GIMAP2: variants seen among roughly 807,000 people sequenced by gnomAD.
GIMAP2 encodes GTPase IMAP family member 2.
In GIMAP2, 22 loss-of-function variants were observed where a neutral mutation model predicts 25.5. The ratio of observed to expected loss-of-function variants is 0.86; its 90% confidence interval spans 0.62 to 1.23. The LOEUF is 1.23. Among genes scored for constraint, GIMAP2 ranks in the 50% most tolerant of loss-of-function variants. GIMAP2 has a pLI of 0.00. For missense variants in GIMAP2, 422 were observed against 395.7 expected (o/e 1.07, Z -0.56); for synonymous variants, 167 against 143.0 (o/e 1.17, Z -1.20).
At position 150,693,012 on chromosome 7, in the gene GIMAP2, C is replaced by T; in HGVS notation, c.726C>T (p.Ser242=). Residue 242 remains serine (S), a synonymous_variant, in exon 3 of 3, where the codon AGC becomes AGT. Transcript: ENST00000223293. ...AAAGAGTAAAGGAATTCAAACAGAG[C>T]CTTATAAAGTACATGGAAACTCAAA... ...SDERVKEFKQ[S]LIKYMETQRS... 6.2e-7 allele frequency: 1 copy of T among 1,614,002 alleles called. No homozygotes were observed. Among genetic ancestry groups the T allele is most frequent in the Non-Finnish European group, 8.5e-7 (1 of 1,179,894 alleles).
chr7:150,687,312 ACC>A, intron 2 of GIMAP2: 1 of 444,284 alleles, frequency 2.3e-6, no homozygotes, highest in South Asian at 3.8e-5. Context: ...TCTCTCTGTC[ACC>A]CAGGCCGGAG....
chr7:150,692,747 GC>G lies in GIMAP2; in HGVS notation c.462del (p.Ser155ProfsTer2). ...ACCCACAAGGAAGACCTCAATGGTG[GC>G]TCCCTGATGGATTACATGCACGACT... ...LFTHKEDLNG[G>X]SLMDYMHDSD... is the part of the protein sequence containing the mutation. On this transcript the variant is annotated frameshift_variant, in exon 3 of 3. Transcript: ENST00000223293. LOFTEE classifies it high-confidence loss of function. 6.2e-7 allele frequency: 1 copy of G among 1,614,146 alleles called. No homozygotes were observed. The highest frequency in any genetic ancestry group is 8.5e-7 in the Non-Finnish European group (1 of 1,179,980).
intron 2 of GIMAP2, among the ~76,000 whole-genome samples, chr7:150,691,765 T>TA (rs1350249649): frequency 3.3e-5 from 5 of 152,334 alleles, no homozygotes; most frequent in Non-Finnish European, 7.3e-5. Flanking sequence ...AGGCAACCAT[T>TA]ACATGATGAG....
rs1796988915 is a variant in GIMAP2, at chr7:150,693,128, T to C, written c.842T>C (p.Leu281Pro). The change falls in exon 3 of 3, where the codon CTC (leucine) becomes CCC (proline). Residue 281 changes from leucine (L) to proline (P), a missense_variant. Physicochemically the swap from Leu to Pro is moderately conservative, Grantham distance 98. Coordinates refer to ENST00000223293, the MANE Select transcript of GIMAP2 (RefSeq NM_015660.3). ...LCVLFCIQLF[L>P]RLIILWLCIL... ...GTTTTATTTTGTATTCAGTTGTTTC[T>C]CAGATTGATAATTCTGTGGCTTTGC... 1.2e-6 allele frequency: 2 copies of C among 1,613,758 alleles called. No individual in the cohort carries two copies. The highest frequency in any genetic ancestry group is 1.1e-5 in the South Asian group (1 of 91,072).
chr7:150,690,715 A>G (rs977948175), intron 2 of GIMAP2, among the ~76,000 whole-genome samples: 3 of 152,218 alleles, frequency 2.0e-5, no homozygotes, highest in Admixed American at 6.5e-5. Flanking sequence ...AGTTCTTTAC[A>G]TATATTAACT....
In GIMAP2 at chr7:150,692,707, A is replaced by C. The variant is rs1477365393; in HGVS notation, c.421A>C (p.Thr141Pro). The C allele has an allele frequency of 6.2e-7, 1 of 1,614,218 alleles. No homozygotes were observed. Among genetic ancestry groups the C allele is most frequent in the East Asian group, 2.2e-5 (1 of 44,888 alleles). The change falls in exon 3 of 3, where the codon ACA (threonine) becomes CCA (proline). Residue 141 changes from threonine (T) to proline (P), a missense_variant. Physicochemically the swap from Thr to Pro is conservative, Grantham distance 38. Transcript: ENST00000223293. ...CTTTGGAGAGGATGCCATGGGACACACAATTGTCCTCTTTACCCACAAGGA... is the reference window on the plus strand; with the variant it reads ...CTTTGGAGAGGATGCCATGGGACACCCAATTGTCCTCTTTACCCACAAGGA... Reference protein sequence around the residue: ...EIFGEDAMGHTIVLFTHKEDL... With the variant: ...EIFGEDAMGHPIVLFTHKEDL...
intron 2 of GIMAP2, chr7:150,689,678 T>G: frequency 1.7e-6 from 1 of 596,102 alleles, no homozygotes; most frequent in South Asian, 2.0e-5. Flanking sequence ...GAAAATAAGA[T>G]TAAATGTCCA....
rs756641651 is a variant in GIMAP2 at position 150,692,295 on chromosome 7, A to C, written c.29-20A>C. On this transcript the variant is annotated intron_variant, in intron 2 of 2. Transcript: ENST00000223293. The stretch of plus-strand genomic sequence containing the variant: ...GCCGTGATCAGTGTAGCGATAACAC[A>C]GTAAACTTGCTCCTCACAGGACCAC... 6.2e-7 allele frequency: 1 copy of C among 1,608,528 alleles called. No individual in the cohort carries two copies. The highest frequency in any genetic ancestry group is 1.1e-5 in the South Asian group (1 of 90,944).
Position 150,692,319 on chromosome 7 carries a change from A to G in GIMAP2, c.33A>G (p.Pro11=). Residue 11 remains proline (P), a synonymous_variant, in exon 3 of 3, where the codon CCA becomes CCG. Coordinates refer to ENST00000223293, the MANE Select transcript of GIMAP2 (RefSeq NM_015660.3). MDQNEHSHWG[P]HAKGQCASRS... ...CAGTAAACTTGCTCCTCACAGGACC[A>G]CATGCAAAGGGCCAATGTGCCAGCA... 6.2e-7 allele frequency: 1 copy of G among 1,613,276 alleles called. No individual in the cohort carries two copies. Among genetic ancestry groups the G allele is most frequent in the Non-Finnish European group, 8.5e-7 (1 of 1,179,212 alleles).
intron 2 of GIMAP2, 26 bp from the exon 3 acceptor site, chr7:150,692,289 T>A: frequency 6.2e-7 from 1 of 1,605,150 alleles, no homozygotes; most frequent in Non-Finnish European, 8.5e-7. Context: ...AGTGTAGCGA[T>A]AACACAGTAA....
At chr7:150,689,641 G>A (rs1368577944) in intron 2 of GIMAP2, 3 of 661,522 alleles carry the variant, frequency 4.5e-6, no homozygotes, top group Non-Finnish European at 5.6e-6. Context: ...CATGTCTACT[G>A]TGAGGCCATA....
In GIMAP2 at chr7:150,693,238, A is replaced by G; in HGVS notation, c.952A>G (p.Lys318Glu). 1 of 1,602,558 alleles carries G rather than the reference A, an allele frequency of 6.2e-7. No homozygotes were observed. The highest frequency in any genetic ancestry group is 1.1e-5 in the South Asian group (1 of 90,050). The change falls in exon 3 of 3, where the codon AAA becomes GAA. Residue 318 changes from lysine to glutamate, a missense_variant. Physicochemically the swap from Lys to Glu is moderately conservative, Grantham distance 56. Transcript: ENST00000223293. ...LFCSLLFIIP[K>E]KLMIFLRTVI... The stretch of plus-strand genomic sequence containing the variant: ...CTGCAGTTTGCTGTTTATTATACCC[A>G]AAAAGTTAATGATATTTTTGAGAAC...
chr7:150,688,984 G>A (rs1417421250), intron 2 of GIMAP2, among the ~76,000 whole-genome samples: 1 of 152,128 alleles, frequency 6.6e-6, no homozygotes, highest in Non-Finnish European at 1.5e-5. Context: ...CTTTGGACAG[G>A]GCCTCATCAA....
At chr7:150,686,422 A>G (rs1796900898) in intron 1 of GIMAP2, among the ~76,000 whole-genome samples, 1 of 152,068 alleles carries the variant, frequency 6.6e-6, no homozygotes, top group Non-Finnish European at 1.5e-5. Context: ...GAGAAAGCTG[A>G]CAGAAGCGAA....
rs1362475711 is a variant in GIMAP2, at chr7:150,685,784, A to G, written c.-10A>G. On this transcript the variant is annotated splice_region_variant and 5_prime_UTR_variant, in exon 1 of 3. Transcript: ENST00000223293. ...CAACTGTTTCTTTGAACAGTAAATC[A>G]GGTAAGCCCAGATTTACGAAAAGTT... The G allele has an allele frequency of 3.1e-6, 3 of 968,956 alleles. No homozygotes were observed. In the East Asian group the frequency reaches 3.4e-4, roughly 111 times the overall value. The allele number at this position is 968,956 out of a possible 1,614,324, so 60.0% of individuals were successfully genotyped here.
rs1796910666 is a variant in GIMAP2 at position 150,687,065 on chromosome 7, C to CCAAAA, written c.7_11dup (p.Glu5LysfsTer21). 1 of 1,609,106 alleles carries CCAAAA rather than the reference C, an allele frequency of 6.2e-7. No homozygotes were observed. Among genetic ancestry groups the CCAAAA allele is most frequent in the Non-Finnish European group, 8.5e-7 (1 of 1,177,570 alleles). On this transcript the variant is annotated frameshift_variant, in exon 2 of 3. Transcript: ENST00000223293. LOFTEE classifies it high-confidence loss of function. Reference sequence around the variant, plus strand: ...TCTGTTTCTCAGGAACACCAATGGACCAAAATGAACACAGTCACTGGGGTA... The same window carrying CCAAAA: ...TCTGTTTCTCAGGAACACCAATGGACCAAAACAAAATGAACACAGTCACTGGGGTA...
Position 150,693,299 on chromosome 7 carries a change from A to G in GIMAP2, c.1013A>G (p.Ter338TrpextTer15), listed in dbSNP as rs1200209974. Reference protein sequence around the residue: ...IRLERKTPRL* With the variant: ...IRLERKTPRLW ...CTAGAACGCAAGACTCCTAGGTTAT[A>G]GTTACAGATCCCAGTTATTATTTAC... The change falls in exon 3 of 3, where the codon TAG becomes TGG. Residue 338 changes from the stop codon to tryptophan, a stop_lost. Transcript: ENST00000223293. 6.5e-7 allele frequency: 1 copy of G among 1,538,550 alleles called. No homozygotes were observed. Among genetic ancestry groups the G allele is most frequent in the Non-Finnish European group, 8.7e-7 (1 of 1,147,444 alleles).
At chr7:150,690,850 G>A (rs1368642712) in intron 2 of GIMAP2, among the ~76,000 whole-genome samples, 1 of 152,180 alleles carries the variant, frequency 6.6e-6, no homozygotes, top group Non-Finnish European at 1.5e-5. Flanking sequence ...AAGCAATCCA[G>A]CTCCAGATTC....
chr7:150,689,810 CT>C (rs1324674006), intron 2 of GIMAP2: 1 of 395,946 alleles, frequency 2.5e-6, no homozygotes, highest in African/African-American at 2.0e-5. Flanking sequence ...CAAATGCCAG[CT>C]TTTTCATTTA....
Sources: gnomAD v4.1 joint callset for allele counts (sites outside exome capture counted in the v4.1 genomes callset) on GRCh38, gnomAD v4.1.1 for gene constraint, MANE v1.5 for transcripts, NCBI Gene and HGNC (gene_info 2026-07-23, HGNC 2026-07-21) for gene names.